RASEF: variants seen among roughly 807,000 people sequenced by gnomAD.
The protein encoded by RASEF is ras and EF-hand domain-containing protein.
Under a neutral mutation model 90.1 loss-of-function variants are expected in RASEF, and 68 were observed. The ratio of observed to expected loss-of-function variants is 0.75; its 90% CI spans 0.62 to 0.92. The LOEUF (loss-of-function observed/expected upper bound fraction) is 0.92, where lower values mean the gene tolerates loss of function less well. Ranked by LOEUF, RASEF falls within the 40% of genes least tolerant of loss-of-function variation. The pLI is 0.00. For missense variants in RASEF, 949 were observed against 937.2 expected (o/e 1.01, Z -0.16); for synonymous variants, 331 against 345.2 (o/e 0.96, Z 0.46).
At chr9:83,021,994 C>T (rs775071560) in intron 3 of RASEF, among the ~76,000 whole-genome samples, 21 of 152,144 alleles carry the variant, frequency 1.4e-4, no homozygotes, top group Non-Finnish European at 2.2e-4. Flanking sequence ...TCTATGAAGG[C>T]TGCCTCTGCC....
chr9:83,091,161 GTT>G, the RASEF span, among the ~76,000 whole-genome samples: 1 of 152,152 alleles, frequency 6.6e-6, no homozygotes, highest in Non-Finnish European at 1.5e-5. Context: ...AGTCATGAGT[GTT>G]TGGTTTTTTC....
the RASEF span, among the ~76,000 whole-genome samples, chr9:83,114,696 G>A: frequency 2.6e-5 from 4 of 152,082 alleles, no homozygotes; most frequent in Non-Finnish European, 4.4e-5. Context: ...AATAAGCCCC[G>A]GTCTCCTGTA....
chr9:83,042,074 T>C (rs1443765455), intron 1 of RASEF, among the ~76,000 whole-genome samples: 2 of 152,246 alleles, frequency 1.3e-5, no homozygotes, highest in Non-Finnish European at 2.9e-5. Context: ...TATATTTTTT[T>C]ATCCCAAACC....
the RASEF span, among the ~76,000 whole-genome samples, chr9:83,103,201 G>A: frequency 6.6e-6 from 1 of 152,146 alleles, no homozygotes; most frequent in Non-Finnish European, 1.5e-5. Context: ...GCCCAGGCTT[G>A]AAACCCATTG....
the RASEF span, among the ~76,000 whole-genome samples, chr9:83,180,195 G>C: frequency 8.0e-4 from 122 of 152,266 alleles, no homozygotes; most frequent in Non-Finnish European, 1.3e-3. Flanking sequence ...CCATAACTGA[G>C]AGGAAATAAT....
chr9:83,217,434 A>T, the RASEF span, among the ~76,000 whole-genome samples: 48 of 152,264 alleles, frequency 3.2e-4, 1 homozygote, highest in African/African-American at 1.1e-3. Flanking sequence ...CCCCACCCAA[A>T]TATCATTTTG....
chr9:83,147,635 GT>G, the RASEF span, among the ~76,000 whole-genome samples: 631 of 152,240 alleles, frequency 4.1e-3, 1 homozygote, highest in Non-Finnish European at 7.4e-3. Flanking sequence ...GTAAGCATGT[GT>G]TACAGTGCTC....
chr9:83,018,717 CTATAAACCAATAGGTATCAAGACT>C (rs1829389774), intron 3 of RASEF, among the ~76,000 whole-genome samples: 1 of 152,010 alleles, frequency 6.6e-6, no homozygotes, highest in South Asian at 2.1e-4. Context: ...TGAAGACATA[CTATAAACCAATAGGTATCAAGACT>C]TATAAACCAA....
chr9:83,152,844 C>T, the RASEF span, among the ~76,000 whole-genome samples: 5 of 152,012 alleles, frequency 3.3e-5, no homozygotes, highest in East Asian at 1.9e-4. Flanking sequence ...CAACTGTAAC[C>T]GAGAGATAAC....
the RASEF span, among the ~76,000 whole-genome samples, chr9:83,101,448 G>A: frequency 6.8e-4 from 103 of 152,246 alleles, 1 homozygote; most frequent in Non-Finnish European, 2.5e-4. Flanking sequence ...GTGAAATATC[G>A]TACTGGGCAC....
Position 83,062,684 on chromosome 9 carries a change from T to A in RASEF, c.184A>T (p.Ile62Phe). The change falls in exon 1 of 17, where the codon ATC becomes TTC. Residue 62 changes from isoleucine (I) to phenylalanine (F), a missense_variant. This residue lies in a region of RASEF where 656 missense variants were observed against 592.2 expected (regional missense o/e 1.11). Coordinates refer to ENST00000376447, the MANE Select transcript of RASEF (RefSeq NM_152573.4). ...CCACGCGCGAACTCCTGGAAGGTGA[T>A]GGCGCCGTCACGGTCGGCGTCCAGC... ...QRLDADRDGAITFQEFARGFL... is the reference protein window; with the variant it reads ...QRLDADRDGAFTFQEFARGFL... The A allele has an allele frequency of 6.3e-7, 1 of 1,575,100 alleles. No homozygotes were observed. Among genetic ancestry groups the A allele is most frequent in the Non-Finnish European group, 8.6e-7 (1 of 1,169,120 alleles).
chr9:83,000,131 G>T, intron 12 of RASEF, 38 bp downstream of exon 12: 1 of 1,590,852 alleles, frequency 6.3e-7, no homozygotes. Flanking sequence ...AGCTAAGGAA[G>T]GTCATTTTCC....
the RASEF span, among the ~76,000 whole-genome samples, chr9:83,110,271 A>G: frequency 6.6e-6 from 1 of 152,156 alleles, no homozygotes; most frequent in South Asian, 2.1e-4. Flanking sequence ...CCTAAACCAC[A>G]GGGGACATGG....
intron 16 of RASEF, among the ~76,000 whole-genome samples, 176 bp downstream of exon 16, chr9:82,990,215 A>G (rs973040165): frequency 1.2e-4 from 18 of 152,232 alleles, no homozygotes; most frequent in African/African-American, 3.6e-4. Context: ...ATATTTTGCC[A>G]GTGTTGACAG....
At chr9:83,004,406 A>C in intron 9 of RASEF, 92 bp downstream of exon 9, 2 of 711,178 alleles carry the variant, frequency 2.8e-6, no homozygotes, top group Non-Finnish European at 4.8e-6. Context: ...ACCAAAGTAT[A>C]TTCTATTATT....
At chr9:83,191,270 A>G in the RASEF span, among the ~76,000 whole-genome samples, 1 of 152,172 alleles carries the variant, frequency 6.6e-6, no homozygotes, top group East Asian at 1.9e-4. Context: ...GAGAAAACCA[A>G]TTTGCTAACA....
At chr9:83,089,892 T>TGATAGATAGATAGATA in the RASEF span, among the ~76,000 whole-genome samples, 4 of 144,962 alleles carry the variant, frequency 2.8e-5, no homozygotes, top group Non-Finnish European at 3.0e-5. Context: ...TATAGATAGA[T>TGATAGATAGATAGATA]GATAGATAGA....
chr9:82,990,562 A>G, intron 15 of RASEF, 95 bp from the exon 16 acceptor site: 1 of 839,792 alleles, frequency 1.2e-6, no homozygotes, highest in South Asian at 1.6e-5. Flanking sequence ...ATATGTTCCT[A>G]CTGAGCATGC....
the RASEF span, among the ~76,000 whole-genome samples, chr9:83,155,164 G>C: frequency 1.3e-5 from 2 of 152,178 alleles, no homozygotes; most frequent in Admixed American, 6.5e-5. Flanking sequence ...ACAATGGGCA[G>C]CATTTTGGAG....
Sources: allele counts gnomAD v4.1 joint callset (sites outside exome capture counted in the v4.1 genomes callset), GRCh38; gene constraint gnomAD v4.1.1; regional missense constraint gnomAD v4.1.1; transcripts MANE v1.5; gene names NCBI Gene and HGNC (gene_info 2026-07-23, HGNC 2026-07-21).